PPA2: variants seen among roughly 807,000 people sequenced by gnomAD.
PPA2 encodes inorganic pyrophosphatase 2, mitochondrial.
In PPA2, 48 loss-of-function variants were observed where a neutral mutation model predicts 49.5. The ratio of observed to expected loss-of-function variants is 0.97; its 90% confidence interval spans 0.77 to 1.23. The LOEUF is 1.23. Ranked by LOEUF, PPA2 falls within the 50% of genes most tolerant of loss-of-function variation. PPA2 has a pLI of 0.00. For synonymous variants in PPA2, 131 were observed against 139.9 expected, an observed-to-expected ratio of 0.94 and a Z score of 0.45; for missense variants, 429 against 410.1, an observed-to-expected ratio of 1.05 and a Z score of -0.40.
At chr4:105,438,217 G>GATTT (rs1724158434) in intron 5 of PPA2, among the ~76,000 whole-genome samples, 181 bp from the exon 6 acceptor site, 1 of 152,212 alleles carries the variant, frequency 6.6e-6, no homozygotes, top group Non-Finnish European at 1.5e-5. Context: ...ATTTAAAACA[G>GATTT]ATTTATAGTA....
At chr4:105,406,578 A>G (rs1358186013) in intron 7 of PPA2, among the ~76,000 whole-genome samples, 1 of 152,214 alleles carries the variant, frequency 6.6e-6, no homozygotes, top group Non-Finnish European at 1.5e-5. Flanking sequence ...AAAAAATAAT[A>G]CATTATACAC....
chr4:105,386,511 T>C, intron 10 of PPA2, 56 bp downstream of exon 10: 1 of 1,506,850 alleles, frequency 6.6e-7, no homozygotes, highest in Non-Finnish European at 9.2e-7. Flanking sequence ...GAATTTCTAC[T>C]AGACTTCCTA....
chr4:105,412,972 C>G (rs1191036165), intron 7 of PPA2, among the ~76,000 whole-genome samples: 1 of 152,150 alleles, frequency 6.6e-6, no homozygotes, highest in Non-Finnish European at 1.5e-5. Flanking sequence ...ACCCAGAGAT[C>G]CCATTACTGG....
chr4:105,436,287 A>G (rs1357030766), intron 6 of PPA2, among the ~76,000 whole-genome samples: 3 of 152,078 alleles, frequency 2.0e-5, no homozygotes, highest in African/African-American at 7.2e-5. Flanking sequence ...CATCTCTGCA[A>G]GAACTACAAA....
rs186623120 is a variant in PPA2, at chr4:105,449,068, A to T, written c.321+282T>A. On this transcript the variant is annotated intron_variant, in intron 4 of 11. Transcript: ENST00000341695. ...CCCGTCTCTACTAAAACTACAAAAA[A>T]TAGCCGGGCGTAGTGGCGGGCGCCT... Among the ~76,000 whole-genome samples the T allele has an allele frequency of 3.1e-3, 427 of 138,868 alleles. 19 individuals carry two copies. The East Asian group carries it at 0.071, about 23-fold the overall frequency. 91.1% of individuals were successfully genotyped at this position (138,868 alleles called of 152,430 possible).
At chr4:105,421,047 G>A (rs191196942) in intron 7 of PPA2, among the ~76,000 whole-genome samples, 1 of 152,210 alleles carries the variant, frequency 6.6e-6, no homozygotes. Flanking sequence ...GGTTGTAAGG[G>A]ACAGAAAAGG....
chr4:105,427,517 A>C (rs1451861110), intron 6 of PPA2, among the ~76,000 whole-genome samples: 1 of 152,194 alleles, frequency 6.6e-6, no homozygotes, highest in African/African-American at 2.4e-5. Flanking sequence ...GACCTGATGG[A>C]GCTGAAAACC....
rs2726454 is a variant in PPA2 at position 105,399,492 on chromosome 4, T to G, written c.656-328A>C. On this transcript the variant is annotated intron_variant, in intron 7 of 11. Transcript: ENST00000341695. Reference sequence around the variant, plus strand: ...TTTTTAACTCAGGGAAAGAGACAAATAGATAAACTGCAATTAAAATGCAAT... The same window carrying G: ...TTTTTAACTCAGGGAAAGAGACAAAGAGATAAACTGCAATTAAAATGCAAT... The G allele has an allele frequency of 0.6, 106,194 of 175,752 alleles. 32,194 individuals carry two copies. Among genetic ancestry groups the G allele is most frequent in the East Asian group, 0.7 (4,645 of 6,676 alleles). 10.9% of individuals were successfully genotyped at this position (175,752 alleles called of 1,614,324 possible). A position where few individuals can be genotyped will look rare whatever the true frequency, so the allele number is the denominator to read the frequency against.
At chr4:105,394,140 G>A (rs1323134195) in intron 9 of PPA2, among the ~76,000 whole-genome samples, 3 of 152,040 alleles carry the variant, frequency 2.0e-5, no homozygotes, top group East Asian at 3.9e-4. Flanking sequence ...GCCAAGGTGG[G>A]CGGATCACTT....
intron 6 of PPA2, among the ~76,000 whole-genome samples, chr4:105,430,376 T>C (rs112110496): frequency 6.6e-6 from 1 of 152,350 alleles, no homozygotes; most frequent in African/African-American, 2.4e-5. Flanking sequence ...TACACAATTA[T>C]ATTAGACACT....
intron 1 of PPA2, chr4:105,473,468 T>C (rs1179968607): frequency 7.8e-6 from 3 of 385,646 alleles, no homozygotes; most frequent in Non-Finnish European, 1.0e-5. Context: ...AGGAGGTTTC[T>C]TACGCCTCTA....
chr4:105,388,972 G>C (rs562372349), intron 9 of PPA2, among the ~76,000 whole-genome samples: 1 of 152,112 alleles, frequency 6.6e-6, no homozygotes, highest in East Asian at 1.9e-4. Context: ...TATCAAATAG[G>C]CTCTTCTATC....
chr4:105,454,547 G>A (rs2110314227), intron 2 of PPA2, among the ~76,000 whole-genome samples: 1 of 152,174 alleles, frequency 6.6e-6, no homozygotes, highest in East Asian at 1.9e-4. Flanking sequence ...TGTTAGCCAG[G>A]ATGGTCTTGA....
chr4:105,387,775 G>C (rs1358379373), intron 9 of PPA2, among the ~76,000 whole-genome samples: 1 of 151,190 alleles, frequency 6.6e-6, no homozygotes, highest in Non-Finnish European at 1.5e-5. Flanking sequence ...AAGTTGAGGG[G>C]GAAAAAAAAG....
intron 1 of PPA2, among the ~76,000 whole-genome samples, chr4:105,462,729 C>T (rs1723143756): frequency 1.3e-5 from 2 of 152,160 alleles, no homozygotes; most frequent in South Asian, 4.2e-4. Context: ...GTGGGTGGGA[C>T]TCAGTGGGAG....
intron 1 of PPA2, among the ~76,000 whole-genome samples, chr4:105,468,366 C>T (rs1723392958): frequency 6.6e-6 from 1 of 152,138 alleles, no homozygotes; most frequent in Non-Finnish European, 1.5e-5. Flanking sequence ...GAAGGAGAAG[C>T]ATCAAAACTA....
At chr4:105,450,897 G>A (rs1001740020) in intron 3 of PPA2, among the ~76,000 whole-genome samples, 4 of 152,100 alleles carry the variant, frequency 2.6e-5, no homozygotes, top group African/African-American at 4.8e-5. Flanking sequence ...GTGAGCCACC[G>A]CGCCCTGCCA....
chr4:105,379,425 GTAGATAGA>G (rs369483034), intron 10 of PPA2, among the ~76,000 whole-genome samples: 8,175 of 140,148 alleles, frequency 0.058, 286 homozygotes, highest in South Asian at 0.079. Flanking sequence ...ATCAATATGT[GTAGATAGA>G]TAGATAGATA....
chr4:105,429,175 C>A (rs994538909), intron 6 of PPA2, among the ~76,000 whole-genome samples: 2 of 152,120 alleles, frequency 1.3e-5, no homozygotes, highest in Non-Finnish European at 1.5e-5. Context: ...CCAAAACAAG[C>A]CCCAAAATTA....
Sources: allele counts gnomAD v4.1 joint callset (sites outside exome capture counted in the v4.1 genomes callset), GRCh38; gene constraint gnomAD v4.1.1; transcripts MANE v1.5; gene names NCBI Gene and HGNC (gene_info 2026-07-23, HGNC 2026-07-21).